Variants in FREM3 observed in about 807,000 individuals in gnomAD.
The protein encoded by FREM3 is FRAS1 related extracellular matrix 3, also known as FRAS1-related extracellular matrix protein 3.
FREM3 carries 105 observed loss-of-function variants against 129.1 expected under a neutral mutation model. The observed-to-expected ratio is 0.81, with a 90% CI of 0.69 to 0.96. The LOEUF is 0.96. FREM3 is among the 40% of genes least tolerant of loss of function. FREM3 has a pLI of 0.00. For synonymous variants in FREM3, 1,014 were observed against 1,044.9 expected, an observed-to-expected ratio of 0.97 and a Z score of 0.57; for missense variants, 2,593 against 2,666.3, an observed-to-expected ratio of 0.97 and a Z score of 0.61.
intron 2 of FREM3, among the ~76,000 whole-genome samples, chr4:143,656,026 C>T (rs1447966686): frequency 6.6e-6 from 1 of 152,118 alleles, no homozygotes; most frequent in Non-Finnish European, 1.5e-5. Flanking sequence ...TGTGAAGTCT[C>T]TTAAGAAAAC....
At chr4:143,582,915 TGG>T (rs1738172879) in intron 7 of FREM3, among the ~76,000 whole-genome samples, 2 of 150,886 alleles carry the variant, frequency 1.3e-5, no homozygotes, top group Non-Finnish European at 1.5e-5. Flanking sequence ...TTTTTTGAGA[TGG>T]GTTTGAACTC....
At position 143,605,356 on chromosome 4, in the gene FREM3, C is replaced by T. The variant is rs192395470; in HGVS notation, c.6028+5923G>A. Among the ~76,000 whole-genome samples the T allele has an allele frequency of 2.8e-3, 423 of 151,512 alleles. 3 individuals carry two copies. Among genetic ancestry groups the T allele is most frequent in the African/African-American group, 8.5e-3 (349 of 40,912 alleles). On this transcript the variant is annotated intron_variant, in intron 6 of 7. Coordinates refer to ENST00000329798, the MANE Select transcript of FREM3 (RefSeq NM_001168235.2). ...ATATTAAGGCTTTTACTTGTTTTTA[C>T]GTACTCCTTCCTGTATAAATAACTA...
intron 6 of FREM3, among the ~76,000 whole-genome samples, chr4:143,603,055 A>G (rs1279225237): frequency 1.3e-5 from 2 of 152,184 alleles, no homozygotes; most frequent in African/African-American, 2.4e-5. Context: ...GAGAGAATCT[A>G]TTAACCAGAG....
chr4:143,638,989 A>C (rs1343740383), intron 2 of FREM3, among the ~76,000 whole-genome samples: 1 of 152,082 alleles, frequency 6.6e-6, no homozygotes, highest in Non-Finnish European at 1.5e-5. Context: ...CAAAATATTA[A>C]TTTGGTAGTA....
chr4:143,665,090 A>C (rs1739830670), intron 2 of FREM3, among the ~76,000 whole-genome samples: 1 of 152,040 alleles, frequency 6.6e-6, no homozygotes, highest in Non-Finnish European at 1.5e-5. Flanking sequence ...GGTGTGCTGC[A>C]CCCACTGTCC....
chr4:143,631,672 C>T (rs1440121024), intron 2 of FREM3, among the ~76,000 whole-genome samples: 2 of 151,930 alleles, frequency 1.3e-5, no homozygotes, highest in Non-Finnish European at 2.9e-5. Context: ...TGGAGCAAAA[C>T]AAGTAGAAAG....
intron 7 of FREM3, among the ~76,000 whole-genome samples, chr4:143,584,181 G>A (rs998050295): frequency 7.9e-5 from 12 of 151,984 alleles, no homozygotes; most frequent in Admixed American, 2.0e-4. Context: ...AGGCCGAGGC[G>A]GGTGGATCAT....
rs189769405 is a variant in FREM3 at position 143,577,773 on chromosome 4, G to A, written c.6258C>T (p.Ile2086=). The change falls in exon 8 of 8, where the codon ATC becomes ATT. Residue 2086 remains isoleucine, a synonymous_variant. Coordinates refer to ENST00000329798, the MANE Select transcript of FREM3 (RefSeq NM_001168235.2). The part of the protein sequence containing the change: ...GVRMQTFQVT[I]LDDLGQPTLE... The stretch of plus-strand genomic sequence containing the variant: ...AGGTAGGCTGTCCCAGGTCATCAAG[G>A]ATGGTCACTTGGAATGTCTGCATGC... The A allele has an allele frequency of 2.5e-5, 39 of 1,537,316 alleles. No individual in the cohort carries two copies. Among genetic ancestry groups the A allele is most frequent in the Non-Finnish European group, 1.7e-6 (2 of 1,146,942 alleles).
chr4:143,700,392 C>T lies in FREM3; in HGVS notation c.284G>A (p.Cys95Tyr), dbSNP rs2149866348. The change falls in exon 1 of 8, where the codon TGC becomes TAC. Residue 95 changes from cysteine to tyrosine, a missense_variant. Transcript: ENST00000329798. ...LVIGVQPGDR[C>Y]EVTVLDALPR... ...CAGGGCGTCCAGTACCGTGACTTCGCACCGGTCCCCCGGCTGCACTCCAAT... is the reference window on the plus strand; with the variant it reads ...CAGGGCGTCCAGTACCGTGACTTCGTACCGGTCCCCCGGCTGCACTCCAAT... The T allele has an allele frequency of 6.5e-7, 1 of 1,534,632 alleles. No homozygotes were observed. The highest frequency in any genetic ancestry group is 2.4e-5 in the East Asian group (1 of 40,852).
intron 5 of FREM3, among the ~76,000 whole-genome samples, chr4:143,614,460 C>T (rs1163312264): frequency 6.6e-6 from 1 of 152,198 alleles, no homozygotes; most frequent in Non-Finnish European, 1.5e-5. Context: ...CCGTATTTTA[C>T]AGTGAAGAGG....
chr4:143,677,877 A>G (rs1204935239), intron 2 of FREM3, among the ~76,000 whole-genome samples: 1 of 152,244 alleles, frequency 6.6e-6, no homozygotes, highest in Non-Finnish European at 1.5e-5. Flanking sequence ...TATCATTAAA[A>G]AGTCAGGAAA....
intron 2 of FREM3, among the ~76,000 whole-genome samples, chr4:143,681,907 T>C (rs1445230887): frequency 1.3e-5 from 2 of 152,194 alleles, no homozygotes; most frequent in Non-Finnish European, 2.9e-5. Flanking sequence ...GCTCAGTAAG[T>C]AGCATCAAAG....
rs950693059 is a variant in FREM3 at position 143,700,229 on chromosome 4, A to T, written c.447T>A (p.Thr149=). 12 of 1,536,896 alleles carry T rather than the reference A, an allele frequency of 7.8e-6. No homozygotes were observed. The highest frequency in any genetic ancestry group is 2.0e-5 in the Admixed American group (1 of 51,008). ...GCGTGAAGGGCAGCACCAGAGTGTG[A>T]GTCGGGGCGTCGTAGCGCAGCTGCA... ...VLLQLRYDAP[T]HTLVLPFTLA... is the part of the protein sequence containing the mutation. The change falls in exon 1 of 8, where the codon ACT becomes ACA. Residue 149 remains threonine (T), a synonymous_variant. Transcript: ENST00000329798.
At chr4:143,588,693 A>G (rs1000478689) in intron 6 of FREM3, among the ~76,000 whole-genome samples, 4 of 151,620 alleles carry the variant, frequency 2.6e-5, no homozygotes, top group Non-Finnish European at 4.4e-5. Flanking sequence ...GAATAGTGCC[A>G]CAATAAACAT....
At chr4:143,660,122 A>T (rs1332730827) in intron 2 of FREM3, among the ~76,000 whole-genome samples, 1 of 150,560 alleles carries the variant, frequency 6.6e-6, no homozygotes, top group East Asian at 2.0e-4. Flanking sequence ...TTTTGTTGCC[A>T]TTGCTTTTGG....
Position 143,585,792 on chromosome 4 carries a change from C to T in FREM3, c.6178+52G>A. On this transcript the variant is annotated intron_variant, in intron 7 of 7. Coordinates refer to ENST00000329798, the MANE Select transcript of FREM3 (RefSeq NM_001168235.2). The surrounding 1 kb of genome is among the most constrained non-coding windows in gnomAD (Gnocchi z 4.2). ...TGCTTACACTTAACAGACTAGACTC[C>T]ACCATAAACATGTATCATGATAATG... 1 of 1,512,062 alleles carries T rather than the reference C, an allele frequency of 6.6e-7. No individual in the cohort carries two copies. The highest frequency in any genetic ancestry group is 8.9e-7 in the Non-Finnish European group (1 of 1,127,902). 93.7% of individuals were successfully genotyped at this position (1,512,062 alleles called of 1,614,324 possible).
chr4:143,661,228 G>A (rs1325491946), intron 2 of FREM3, among the ~76,000 whole-genome samples: 1 of 152,122 alleles, frequency 6.6e-6, no homozygotes, highest in African/African-American at 2.4e-5. Context: ...GTTTGTCATA[G>A]ATAGCTCTTA....
chr4:143,692,353 A>G (rs1215100335), intron 2 of FREM3, among the ~76,000 whole-genome samples: 2 of 152,190 alleles, frequency 1.3e-5, no homozygotes, highest in Non-Finnish European at 2.9e-5. Context: ...TTCCTGACTG[A>G]TTACACATGA....
At chr4:143,613,657 T>C (rs1560844751) in intron 5 of FREM3, among the ~76,000 whole-genome samples, 1 of 152,332 alleles carries the variant, frequency 6.6e-6, no homozygotes, top group African/African-American at 2.4e-5. Context: ...TTTTGGAATG[T>C]CTTTTTAAAG....
Sources: allele counts gnomAD v4.1 joint callset (sites outside exome capture counted in the v4.1 genomes callset), GRCh38; gene constraint gnomAD v4.1.1; non-coding constraint Gnocchi (gnomAD v3.1); transcripts MANE v1.5; gene names NCBI Gene and HGNC (gene_info 2026-07-23, HGNC 2026-07-21).